The following SEC14L2 variants were observed in gnomAD, a reference collection of about 807,000 sequenced individuals.
SEC14L2 encodes SEC14-like protein 2.
SEC14L2 carries 50 observed loss-of-function variants against 56.9 expected under a neutral mutation model. The observed-to-expected ratio is 0.88, with a 90% CI of 0.70 to 1.11. The LOEUF (loss-of-function observed/expected upper bound fraction) is 1.11. Among genes scored for constraint, SEC14L2 ranks in the 50% most tolerant of loss-of-function variants. The pLI is 0.00. For missense variants in SEC14L2, 414 were observed against 500.7 expected (o/e 0.83, Z 1.65); for synonymous variants, 179 against 188.5 (o/e 0.95, Z 0.41).
intron 11 of SEC14L2, 148 bp from the exon 12 acceptor site, chr22:30,422,129 G>C: frequency 1.0e-6 from 1 of 952,666 alleles, no homozygotes; most frequent in East Asian, 2.5e-5. Flanking sequence ...TTAAGTTTCA[G>C]AAGGTCAAGG....
chr22:30,407,720 T>C (rs1934137844), intron 5 of SEC14L2, 117 bp downstream of exon 5: 1 of 946,064 alleles, frequency 1.1e-6, no homozygotes, highest in Admixed American at 3.4e-5. Context: ...AGCCTTTTTT[T>C]TTTTTTTTTT....
In SEC14L2 at chr22:30,422,347, G is replaced by A. The variant is rs1191301887; in HGVS notation, c.1152G>A (p.Leu384=). The A allele has an allele frequency of 6.2e-7, 1 of 1,614,206 alleles. No homozygotes were observed. The highest frequency in any genetic ancestry group is 8.5e-7 in the Non-Finnish European group (1 of 1,180,032). Residue 384 remains leucine (L), a synonymous_variant, in exon 12 of 12, where the codon CTG becomes CTA. Coordinates refer to ENST00000615189, the MANE Select transcript of SEC14L2 (RefSeq NM_012429.5). The part of the protein sequence containing the change: ...AKKVNFTVEV[L]LPDKASEEKM... ...AGGTCAATTTCACTGTGGAGGTCCT[G>A]CTTCCAGACAAAGCCTCAGAAGAGA... is the stretch of plus-strand genomic sequence containing the variant.
At chr22:30,415,218 G>C (rs1042058774) in intron 8 of SEC14L2, among the ~76,000 whole-genome samples, 2 of 152,130 alleles carry the variant, frequency 1.3e-5, no homozygotes, top group Non-Finnish European at 2.9e-5. Flanking sequence ...GATCATCTGA[G>C]GTCAGGAGTT....
chr22:30,406,394 C>G lies in SEC14L2; in HGVS notation c.174+9C>G. Reference sequence around the variant, plus strand: ...AGGCCATGCTCCGGAAGGTGAGACACATTTGGCTGTTGCTTCAGTTCCTCC... The same window carrying G: ...AGGCCATGCTCCGGAAGGTGAGACAGATTTGGCTGTTGCTTCAGTTCCTCC... On this transcript the variant is annotated intron_variant, in intron 3 of 11. Coordinates refer to ENST00000615189, the MANE Select transcript of SEC14L2 (RefSeq NM_012429.5). 1 of 1,614,004 alleles carries G rather than the reference C, an allele frequency of 6.2e-7. No individual in the cohort carries two copies. Among genetic ancestry groups the G allele is most frequent in the African/African-American group, 1.3e-5 (1 of 75,032 alleles).
At chr22:30,402,363 G>A (rs1933963914) in intron 2 of SEC14L2, among the ~76,000 whole-genome samples, 1 of 152,064 alleles carries the variant, frequency 6.6e-6, no homozygotes, top group African/African-American at 2.4e-5. Flanking sequence ...TCTTACTGAG[G>A]CAGGGGCCAG....
chr22:30,397,959 T>C (rs1235120690), intron 1 of SEC14L2: 2 of 461,168 alleles, frequency 4.3e-6, no homozygotes, highest in African/African-American at 2.0e-5. Context: ...AAATCTCTTA[T>C]CTGTCACCCC....
chr22:30,397,284 G>GGGAACAGAGGCGGCTGTC, intron 1 of SEC14L2, 114 bp downstream of exon 1: 1 of 971,278 alleles, frequency 1.0e-6, no homozygotes, highest in Non-Finnish European at 1.5e-6. Flanking sequence ...GGGCGGCGGA[G>GGGAACAGAGGCGGCTGTC]GGAACAGAGG....
intron 1 of SEC14L2, 130 bp from the exon 2 acceptor site, chr22:30,399,513 C>CAAA (rs60817387): frequency 6.3e-4 from 153 of 242,694 alleles, no homozygotes; most frequent in Admixed American, 8.8e-4. Context: ...GACTCTATCT[C>CAAA]AAAAAAAAAA....
intron 5 of SEC14L2, chr22:30,408,922 C>T (rs1409084286): frequency 1.2e-5 from 6 of 521,346 alleles, no homozygotes; most frequent in Middle Eastern, 1.1e-3. Flanking sequence ...TCAGGCCAAA[C>T]TGCAGAACCA....
chr22:30,398,019 G>A, intron 1 of SEC14L2: 1 of 366,200 alleles, frequency 2.7e-6, no homozygotes, highest in Non-Finnish European at 5.5e-6. Context: ...GATAGGGTCT[G>A]GCCCCAAGAT....
intron 2 of SEC14L2, among the ~76,000 whole-genome samples, chr22:30,401,281 C>T (rs1453562769): frequency 6.6e-6 from 1 of 151,268 alleles, no homozygotes; most frequent in East Asian, 1.9e-4. Context: ...GCAGTCTCGG[C>T]TCACTGCCAC....
chr22:30,399,415 T>TGAGTCAGGA (rs1933855006), intron 1 of SEC14L2, among the ~76,000 whole-genome samples: 1 of 146,258 alleles, frequency 6.8e-6, no homozygotes, highest in Non-Finnish European at 1.5e-5. Flanking sequence ...CTTGGGAGGC[T>TGAGTCAGGA]GAGTCAGGAG....
chr22:30,410,559 C>T lies in SEC14L2; in HGVS notation c.581-37C>T, dbSNP rs773218725. ...GACGCTGTTAGGGACAGACTGGGCA[C>T]TGCTCCCAGCCTCACATTATCTGGT... On this transcript the variant is annotated intron_variant, in intron 7 of 11. Coordinates refer to ENST00000615189, the MANE Select transcript of SEC14L2 (RefSeq NM_012429.5). 2.9e-5 allele frequency: 46 copies of T among 1,594,002 alleles called. No individual in the cohort carries two copies. The South Asian group carries it at 3.9e-4, about 13-fold the overall frequency.
Position 30,397,068 on chromosome 22 carries a change from G to A in SEC14L2, c.-49G>A, listed in dbSNP as rs1933769368. ...ACGAGTCTGTGCTCCATCAGCTGCC[G>A]CACCCGCCGCCTCCCGCCCCCAAAC... On this transcript the variant is annotated 5_prime_UTR_variant, in exon 1 of 12. Coordinates refer to ENST00000615189, the MANE Select transcript of SEC14L2 (RefSeq NM_012429.5). 2.0e-6 allele frequency: 3 copies of A among 1,517,130 alleles called. No homozygotes were observed. The highest frequency in any genetic ancestry group is 2.0e-5 in the Admixed American group (1 of 50,794). The allele number at this position is 1,517,130 out of a possible 1,614,324, so 94.0% of individuals were successfully genotyped here.
At chr22:30,410,779 C>CAAACTAGCAGAGGGAGCTT in intron 8 of SEC14L2, 100 bp downstream of exon 8, 1 of 1,137,774 alleles carries the variant, frequency 8.8e-7, no homozygotes, top group Non-Finnish European at 1.3e-6. Context: ...TGAAAGCTCC[C>CAAACTAGCAGAGGGAGCTT]TCTGCTAGTT....
chr22:30,399,893 A>T (rs1222730223), intron 2 of SEC14L2, among the ~76,000 whole-genome samples, 175 bp downstream of exon 2: 3 of 152,256 alleles, frequency 2.0e-5, no homozygotes, highest in Non-Finnish European at 4.4e-5. Flanking sequence ...AAAGACACTG[A>T]GGCTCAGAGA....
chr22:30,407,477 G>T lies in SEC14L2; in HGVS notation c.297G>T (p.Trp99Cys), dbSNP rs1233241400. 1 of 1,614,164 alleles carries T rather than the reference G, an allele frequency of 6.2e-7. No individual in the cohort carries two copies. Among genetic ancestry groups the T allele is most frequent in the East Asian group, 2.2e-5 (1 of 44,880 alleles). ...ATGACCTGGATGGCTGCCCAGTCTG[G>T]TACGACATAATTGGACCTCTGGATG... ...CGYDLDGCPV[W>C]YDIIGPLDAK... The change falls in exon 5 of 12, where the codon TGG becomes TGT. Residue 99 changes from tryptophan to cysteine, a missense_variant. By Grantham distance (215) the Trp-to-Cys change is radical. Transcript: ENST00000615189.
At chr22:30,407,315 G>A in intron 4 of SEC14L2, 100 bp from the exon 5 acceptor site, 1 of 1,467,474 alleles carries the variant, frequency 6.8e-7, no homozygotes, top group South Asian at 1.2e-5. Flanking sequence ...CCAGGAGAGG[G>A]AGGTAGAGAA....
intron 11 of SEC14L2, chr22:30,421,210 CTG>C (rs1934509691): frequency 6.6e-6 from 1 of 152,128 alleles, no homozygotes; most frequent in Non-Finnish European, 1.5e-5. Flanking sequence ...CAGGAATTGT[CTG>C]TCATTCACTG....
Sources: gnomAD v4.1 joint callset for allele counts (sites outside exome capture counted in the v4.1 genomes callset) on GRCh38, gnomAD v4.1.1 for gene constraint, MANE v1.5 for transcripts, NCBI Gene and HGNC (gene_info 2026-07-23, HGNC 2026-07-21) for gene names.